TNNT3: variants seen among roughly 807,000 people sequenced by gnomAD.
The protein encoded by TNNT3 is troponin T3, fast skeletal type.
In TNNT3, 36 loss-of-function variants were observed where a neutral mutation model predicts 54.2. The observed-to-expected ratio is 0.66, with a 90% CI of 0.51 to 0.88. TNNT3 has a LOEUF of 0.88. Ranked by LOEUF, TNNT3 falls within the 40% of genes least tolerant of loss-of-function variation. TNNT3 has a pLI of 0.00. For synonymous variants in TNNT3, 120 were observed against 109.7 expected (o/e 1.09, Z -0.59); for missense variants, 291 against 331.6 (o/e 0.88, Z 0.95).
intron 2 of TNNT3, 26 bp downstream of exon 2, chr11:1,922,917 C>A (rs1352754557): frequency 1.2e-6 from 2 of 1,613,834 alleles, no homozygotes; most frequent in Admixed American, 1.7e-5. Context: ...GTGGCTGCCC[C>A]CTGCCTGGCT....
chr11:1,923,962 C>T (rs1282647417), intron 4 of TNNT3, among the ~76,000 whole-genome samples: 1 of 146,728 alleles, frequency 6.8e-6, no homozygotes, highest in East Asian at 1.9e-4. Flanking sequence ...CTCTGCCTCT[C>T]TCTCTATCTC....
At chr11:1,926,612 C>G in intron 5 of TNNT3, 83 bp from the exon 6 acceptor site, 3 of 1,609,138 alleles carry the variant, frequency 1.9e-6, no homozygotes, top group Non-Finnish European at 2.6e-6. Flanking sequence ...CGGCCCTGCC[C>G]GCCCTCCTCT....
intron 8 of TNNT3, among the ~76,000 whole-genome samples, chr11:1,930,589 T>C (rs1882740): frequency 3.9e-5 from 6 of 152,218 alleles, no homozygotes; most frequent in African/African-American, 1.4e-4. Flanking sequence ...CGCTACGTGA[T>C]TCACCCTTTT....
intron 14 of TNNT3, among the ~76,000 whole-genome samples, chr11:1,936,637 C>T (rs748578369): frequency 6.6e-6 from 1 of 152,210 alleles, no homozygotes; most frequent in African/African-American, 2.4e-5. Context: ...TGCAACCCCT[C>T]CCCAGCCCCA....
chr11:1,929,966 A>C, intron 8 of TNNT3, 138 bp downstream of exon 8: 1 of 1,208,348 alleles, frequency 8.3e-7, no homozygotes, highest in South Asian at 1.3e-5. Flanking sequence ...GGGTCCTGGC[A>C]GGCCCAGCGC....
chr11:1,922,151 G>A (rs1850261843), intron 1 of TNNT3, among the ~76,000 whole-genome samples: 1 of 152,192 alleles, frequency 6.6e-6, no homozygotes, highest in African/African-American at 2.4e-5. Flanking sequence ...ACGTGCTCTG[G>A]GGCTCAGCCT....
In TNNT3 at chr11:1,937,018, C is replaced by G. The variant is rs201336939; in HGVS notation, c.722+15C>G. On this transcript the variant is annotated intron_variant, in intron 15 of 15. Coordinates refer to ENST00000278317, the MANE Select transcript of TNNT3 (RefSeq NM_006757.4). The stretch of plus-strand genomic sequence containing the variant: ...GCCCAGAAGCAGTGAGTAGCCCTGC[C>G]GTCCTCGCTCCGCACTGGGCACAGG... The G allele has an allele frequency of 1.7e-5, 27 of 1,589,142 alleles. No individual in the cohort carries two copies. Among genetic ancestry groups the G allele is most frequent in the Non-Finnish European group, 2.3e-5 (27 of 1,169,808 alleles).
At chr11:1,933,628 G>C in intron 9 of TNNT3, 93 bp from the exon 10 acceptor site, 1 of 969,730 alleles carries the variant, frequency 1.0e-6, no homozygotes, top group Non-Finnish European at 1.7e-6. Flanking sequence ...TCTCTGCTGG[G>C]GCAAAGGAAG....
At chr11:1,931,769 A>ATCTG (rs2133411980) in intron 8 of TNNT3, among the ~76,000 whole-genome samples, 2 of 129,566 alleles carry the variant, frequency 1.5e-5, no homozygotes, top group African/African-American at 6.0e-5. Flanking sequence ...GCGTGGTGTC[A>ATCTG]TCTGGCCTTC....
intron 15 of TNNT3, chr11:1,938,075 C>T (rs1055465389): frequency 7.4e-5 from 25 of 339,364 alleles, no homozygotes; most frequent in Admixed American, 6.5e-4. Context: ...CAGAGGCCAC[C>T]GTCTGGAGGG....
chr11:1,929,476 G>C (rs773716595), intron 7 of TNNT3, among the ~76,000 whole-genome samples: 1 of 152,060 alleles, frequency 6.6e-6, no homozygotes, highest in Non-Finnish European at 1.5e-5. Flanking sequence ...TCTTCTTCCC[G>C]AGCCCCTGTC....
Position 1,926,716 on chromosome 11 carries a change from C to A in TNNT3, c.82+7C>A. The A allele has an allele frequency of 8.7e-6, 14 of 1,613,172 alleles. No homozygotes were observed. The highest frequency in any genetic ancestry group is 1.0e-5 in the Non-Finnish European group (12 of 1,180,020). ...GCAGAGGAAGTTCAAGAAGGTACGC[C>A]GGCGCTCCCCCGCCTCCAGGCCAGA... On this transcript the variant is annotated splice_region_variant and intron_variant, in intron 6 of 15. Coordinates refer to ENST00000278317, the MANE Select transcript of TNNT3 (RefSeq NM_006757.4).
intron 9 of TNNT3, 28 bp downstream of exon 9, chr11:1,932,542 G>T (rs756578013): frequency 6.2e-7 from 1 of 1,612,112 alleles, no homozygotes; most frequent in Admixed American, 1.7e-5. Flanking sequence ...TGGTTAACAT[G>T]TCCACGGTTT....
chr11:1,936,748 C>T (rs968690373), intron 14 of TNNT3, among the ~76,000 whole-genome samples: 1 of 152,186 alleles, frequency 6.6e-6, no homozygotes, highest in Non-Finnish European at 1.5e-5. Flanking sequence ...TACAGGCTGG[C>T]GAGAGTAAGT....
intron 15 of TNNT3, among the ~76,000 whole-genome samples, chr11:1,937,800 C>A (rs192548558): frequency 6.6e-6 from 1 of 152,216 alleles, no homozygotes; most frequent in Non-Finnish European, 1.5e-5. Flanking sequence ...ATTGCAGACC[C>A]CTCTGAGGGT....
At chr11:1,932,330 C>A in intron 8 of TNNT3, 139 bp from the exon 9 acceptor site, 2 of 813,138 alleles carry the variant, frequency 2.5e-6, no homozygotes, top group South Asian at 1.3e-5. Flanking sequence ...GCAAACGTGT[C>A]ACTAGGCGGG....
intron 4 of TNNT3, chr11:1,924,794 C>T (rs560850505): frequency 9.8e-5 from 57 of 578,696 alleles, no homozygotes; most frequent in Non-Finnish European, 1.5e-4. Context: ...CGTGCACAGG[C>T]GCCTCCAGGC....
intron 15 of TNNT3, among the ~76,000 whole-genome samples, chr11:1,937,952 G>T (rs900504660): frequency 3.9e-5 from 6 of 152,154 alleles, no homozygotes; most frequent in African/African-American, 1.4e-4. Context: ...CCGGCCTCGC[G>T]GGCCGAAGCA....
Position 1,930,177 on chromosome 11 carries a change from C to T in TNNT3, c.125+349C>T, listed in dbSNP as rs547745451. On this transcript the variant is annotated intron_variant, in intron 8 of 15. Transcript: ENST00000278317. Reference sequence around the variant, plus strand: ...GCTTCCTGTAGGAGGAGGCTGCAGACGAGGAAGGAGGGAGGAGAGGTGGGT... The same window carrying T: ...GCTTCCTGTAGGAGGAGGCTGCAGATGAGGAAGGAGGGAGGAGAGGTGGGT... Among the ~76,000 whole-genome samples, 268 of 152,032 alleles carry T rather than the reference C, an allele frequency of 1.8e-3. 1 individual carries two copies. The highest frequency in any genetic ancestry group is 3.2e-3 in the African/African-American group (133 of 41,454).
Sources: allele counts gnomAD v4.1 joint callset (sites outside exome capture counted in the v4.1 genomes callset), GRCh38; gene constraint gnomAD v4.1.1; transcripts MANE v1.5; gene names NCBI Gene and HGNC (gene_info 2026-07-23, HGNC 2026-07-21).